Variants in ARHGAP24 observed in about 807,000 individuals in gnomAD.
ARHGAP24 encodes Rho GTPase activating protein 24, also known as rho GTPase-activating protein 24.
In ARHGAP24, 50 loss-of-function variants were observed where a neutral mutation model predicts 76.4. That is an observed-to-expected ratio of 0.65 (90% confidence interval 0.52 to 0.83). The LOEUF is 0.83. Among genes scored for constraint, ARHGAP24 ranks in the 40% least tolerant of loss-of-function variants. The probability of loss-of-function intolerance (pLI) is 0.00; values close to 1 mark genes in which losing one functional copy is unlikely to be tolerated. For synonymous variants in ARHGAP24, 345 were observed against 323.3 expected, an observed-to-expected ratio of 1.07 and a Z score of -0.72; for missense variants, 930 against 914.2, an observed-to-expected ratio of 1.02 and a Z score of -0.22.
At chr4:85,541,837 T>G (rs1725717097) in intron 1 of ARHGAP24, among the ~76,000 whole-genome samples, 1 of 152,152 alleles carries the variant, frequency 6.6e-6, no homozygotes, top group Non-Finnish European at 1.5e-5. Flanking sequence ...GGGTTGACGT[T>G]TGAGTTGGAC....
chr4:85,490,720 T>C (rs1723317013), intron 1 of ARHGAP24, among the ~76,000 whole-genome samples: 1 of 152,190 alleles, frequency 6.6e-6, no homozygotes, highest in African/African-American at 2.4e-5. Context: ...CTCTTGCAGG[T>C]CTATGAATTT....
chr4:85,534,238 G>A (rs922057685), intron 1 of ARHGAP24, among the ~76,000 whole-genome samples: 1 of 152,104 alleles, frequency 6.6e-6, no homozygotes, highest in Non-Finnish European at 1.5e-5. Flanking sequence ...ACTTGAAAAA[G>A]ATCTCAAAGA....
Position 85,994,990 on chromosome 4 carries a change from C to T in ARHGAP24, c.1336C>T (p.Leu446Phe), listed in dbSNP as rs774060530. ...GSFSSSNAEG[L>F]EKTQTTPNGS... ...CTTCAGCAGCAGTAATGCAGAAGGT[C>T]TTGAGAAAACCCAAACCACCCCCAA... Residue 446 changes from leucine to phenylalanine, a missense_variant, in exon 9 of 10, where the codon CTT (leucine) becomes TTT (phenylalanine). Physicochemically the swap from Leu to Phe is conservative, Grantham distance 22. Coordinates refer to ENST00000395184, the MANE Select transcript of ARHGAP24 (RefSeq NM_001025616.3). 1.2e-6 allele frequency: 2 copies of T among 1,614,060 alleles called. No individual in the cohort carries two copies. Among genetic ancestry groups the T allele is most frequent in the Non-Finnish European group, 1.7e-6 (2 of 1,180,022 alleles).
At chr4:85,973,904 G>A (rs1052657985) in intron 6 of ARHGAP24, among the ~76,000 whole-genome samples, 3 of 141,464 alleles carry the variant, frequency 2.1e-5, no homozygotes, top group East Asian at 2.1e-4. Context: ...GTGCAGTGGC[G>A]GGATCTTGGC....
chr4:85,745,061 G>T (rs945869893), intron 3 of ARHGAP24, among the ~76,000 whole-genome samples: 1 of 151,966 alleles, frequency 6.6e-6, no homozygotes, highest in Non-Finnish European at 1.5e-5. Flanking sequence ...TTAAAGCAAG[G>T]TGCTTTCATC....
At chr4:85,684,679 T>C (rs1309365052) in intron 2 of ARHGAP24, among the ~76,000 whole-genome samples, 2 of 152,232 alleles carry the variant, frequency 1.3e-5, no homozygotes, top group African/African-American at 4.8e-5. Context: ...CATGTTTCTT[T>C]CAGAGAGAGG....
intron 9 of ARHGAP24, 191 bp from the exon 10 acceptor site, chr4:86,000,288 T>C: frequency 2.0e-6 from 1 of 500,034 alleles, no homozygotes; most frequent in Non-Finnish European, 3.6e-6. Context: ...CAGTAAATCA[T>C]CTTAGCAAAC....
At chr4:85,971,523 G>A (rs1017104528) in intron 5 of ARHGAP24, among the ~76,000 whole-genome samples, 5 of 151,878 alleles carry the variant, frequency 3.3e-5, no homozygotes, top group East Asian at 1.9e-4. Flanking sequence ...TATGGGTTAC[G>A]TGAGATATTG....
chr4:85,505,388 A>T (rs1341428537), intron 1 of ARHGAP24, among the ~76,000 whole-genome samples: 2 of 152,144 alleles, frequency 1.3e-5, no homozygotes, highest in African/African-American at 2.4e-5. Context: ...CTTTTCACAT[A>T]GTCCCATATT....
chr4:85,594,122 T>C (rs1344277543), intron 2 of ARHGAP24, among the ~76,000 whole-genome samples: 1 of 152,102 alleles, frequency 6.6e-6, no homozygotes, highest in Non-Finnish European at 1.5e-5. Flanking sequence ...CTCTTTCATT[T>C]CTTTCAGCAG....
At chr4:85,514,147 A>G (rs938919909) in intron 1 of ARHGAP24, among the ~76,000 whole-genome samples, 5 of 152,088 alleles carry the variant, frequency 3.3e-5, no homozygotes, top group African/African-American at 2.4e-5. Flanking sequence ...ACAGCCCCAG[A>G]CTCCATCTTT....
intron 1 of ARHGAP24, among the ~76,000 whole-genome samples, chr4:85,481,728 G>A (rs1722823871): frequency 6.6e-6 from 1 of 152,196 alleles, no homozygotes; most frequent in South Asian, 2.1e-4. Context: ...TGAGCAACAG[G>A]TGGAGGCAAA....
chr4:85,482,106 T>C (rs1221581255), intron 1 of ARHGAP24, among the ~76,000 whole-genome samples: 3 of 152,158 alleles, frequency 2.0e-5, no homozygotes, highest in Admixed American at 2.0e-4. Flanking sequence ...AGCAAGAAAA[T>C]ATGATCCGGG....
At chr4:85,936,192 G>T (rs1736623953) in intron 4 of ARHGAP24, among the ~76,000 whole-genome samples, 1 of 152,156 alleles carries the variant, frequency 6.6e-6, no homozygotes, top group South Asian at 2.1e-4. Context: ...CACTATGGCT[G>T]AGTATGTGAT....
chr4:85,907,329 A>T (rs1411307201), intron 3 of ARHGAP24, among the ~76,000 whole-genome samples: 1 of 152,244 alleles, frequency 6.6e-6, no homozygotes, highest in Non-Finnish European at 1.5e-5. Context: ...TGTTATATTT[A>T]TTAAAATGTT....
chr4:85,894,935 TG>T (rs1330079140), intron 3 of ARHGAP24, among the ~76,000 whole-genome samples: 1 of 94,992 alleles, frequency 1.1e-5, no homozygotes, highest in Non-Finnish European at 1.9e-5. Flanking sequence ...TACTCTAGCC[TG>T]GGCAACAGAA....
At chr4:85,865,502 A>T (rs1489178988) in intron 3 of ARHGAP24, among the ~76,000 whole-genome samples, 1 of 147,588 alleles carries the variant, frequency 6.8e-6, no homozygotes, top group African/African-American at 2.4e-5. Flanking sequence ...AATAATTTAA[A>T]TAAAAAACAA....
intron 4 of ARHGAP24, among the ~76,000 whole-genome samples, chr4:85,939,623 T>C (rs879809117): frequency 6.6e-6 from 1 of 152,148 alleles, no homozygotes; most frequent in East Asian, 1.9e-4. Context: ...CAAACCTGCA[T>C]GTACAAGAAA....
intron 3 of ARHGAP24, 75 bp from the exon 4 acceptor site, chr4:85,923,573 A>G (rs1735850524): frequency 6.3e-7 from 1 of 1,599,858 alleles, no homozygotes; most frequent in Non-Finnish European, 8.5e-7. Context: ...TCTCTGTTTC[A>G]GGGGTTCTTC....
Sources: allele counts gnomAD v4.1 joint callset (sites outside exome capture counted in the v4.1 genomes callset), GRCh38; gene constraint gnomAD v4.1.1; transcripts MANE v1.5; gene names NCBI Gene and HGNC (gene_info 2026-07-23, HGNC 2026-07-21).